The following ATP6V0D2 variants were observed in gnomAD, a reference collection of about 807,000 sequenced individuals.
ATP6V0D2 encodes ATPase H+ transporting V0 subunit d2, also known as V-type proton ATPase subunit d 2.
In ATP6V0D2, 40 loss-of-function variants were observed where a neutral mutation model predicts 40.0. That is an observed-to-expected ratio of 1.00 (90% CI 0.78 to 1.30). The LOEUF (loss-of-function observed/expected upper bound fraction) is 1.30. Ranked by LOEUF, ATP6V0D2 falls within the 50% of genes most tolerant of loss-of-function variation. The pLI is 0.00. For missense variants in ATP6V0D2, 470 were observed against 423.1 expected (o/e 1.11, Z -0.97); for synonymous variants, 179 against 156.3 (o/e 1.15, Z -1.08).
intron 2 of ATP6V0D2, among the ~76,000 whole-genome samples, chr8:86,127,492 G>A (rs892913730): frequency 6.7e-6 from 1 of 150,126 alleles, no homozygotes; most frequent in African/African-American, 2.5e-5. Flanking sequence ...GTCTTATTCT[G>A]TCACCCAGGC....
rs747109688 is a variant in ATP6V0D2 at position 86,113,700 on chromosome 8, T to C, written c.131-9T>C. 1 of 1,583,772 alleles carries C rather than the reference T, an allele frequency of 6.3e-7. No individual in the cohort carries two copies. The highest frequency in any genetic ancestry group is 1.8e-5 in the Admixed American group (1 of 54,636). On this transcript the variant is annotated splice_polypyrimidine_tract_variant and intron_variant, in intron 1 of 7. Transcript: ENST00000285393. The stretch of plus-strand genomic sequence containing the variant: ...ATTTAACCTGAATTGGGGTTTCATT[T>C]AATTTCAGACCTGAAAATTCATCTC...
intron 2 of ATP6V0D2, among the ~76,000 whole-genome samples, chr8:86,117,584 T>C (rs1468727066): frequency 6.6e-6 from 1 of 152,230 alleles, no homozygotes; most frequent in Non-Finnish European, 1.5e-5. Context: ...TGGGTTAGGA[T>C]AATTCCTTCC....
chr8:86,139,316 C>A, intron 2 of ATP6V0D2, 141 bp from the exon 3 acceptor site: 1 of 591,304 alleles, frequency 1.7e-6, no homozygotes, highest in Admixed American at 3.6e-5. Flanking sequence ...TCTCCTAAAC[C>A]CCAGTGTTTA....
At position 86,149,070 on chromosome 8, in the gene ATP6V0D2, AAAAAAC is replaced by A. The variant is rs1476571475; in HGVS notation, c.640-1041_640-1036del. The stretch of plus-strand genomic sequence containing the variant: ...TCCAAAGGAAGAAAAAAAAAAAAAA[AAAAAAC>A]CAATGAACAAGAAAGACATGGTTCT... On this transcript the variant is annotated intron_variant, in intron 5 of 7. Coordinates refer to ENST00000285393, the MANE Select transcript of ATP6V0D2 (RefSeq NM_152565.1). Among the ~76,000 whole-genome samples the A allele has an allele frequency of 2.9e-4, 43 of 150,100 alleles. 2 individuals carry two copies. Among genetic ancestry groups the A allele is most frequent in the East Asian group, 1.2e-3 (6 of 5,058 alleles).
chr8:86,124,335 G>T (rs1185923488), intron 2 of ATP6V0D2, among the ~76,000 whole-genome samples: 2 of 152,156 alleles, frequency 1.3e-5, no homozygotes, highest in African/African-American at 4.8e-5. Flanking sequence ...CAGCATAACA[G>T]TAAGTGACTA....
At chr8:86,110,538 G>A (rs1445134163) in intron 1 of ATP6V0D2, among the ~76,000 whole-genome samples, 1 of 152,228 alleles carries the variant, frequency 6.6e-6, no homozygotes, top group African/African-American at 2.4e-5. Flanking sequence ...GTGTGTCCCA[G>A]AGTCTGCTGC....
Position 86,145,060 on chromosome 8 carries a change from G to C in ATP6V0D2, c.639+2106G>C, listed in dbSNP as rs141006261. On this transcript the variant is annotated intron_variant, in intron 5 of 7. Transcript: ENST00000285393. ...CATCTGTAATCCCAGCTTCTTGTGA[G>C]GCTGAGGCACAGGAGGTGTGAAGGT... 1.1e-3 allele frequency among the ~76,000 whole-genome samples: 167 copies of C among 151,332 alleles called. 4 individuals carry two copies. The highest frequency in any genetic ancestry group is 3.9e-3 in the African/African-American group (159 of 41,108).
chr8:86,104,850 T>TATACACACACACACACAC, intron 1 of ATP6V0D2, among the ~76,000 whole-genome samples: 1 of 146,078 alleles, frequency 6.8e-6, no homozygotes, highest in Admixed American at 6.9e-5. Context: ...TTAAAACACA[T>TATACACACACACACACAC]ACACACACAC....
chr8:86,116,238 A>G lies in ATP6V0D2; in HGVS notation c.302+2358A>G, dbSNP rs184070855. 6.8e-3 allele frequency among the ~76,000 whole-genome samples: 1,038 copies of G among 152,304 alleles called. 2 individuals carry two copies. Among genetic ancestry groups the G allele is most frequent in the Non-Finnish European group, 9.3e-3 (636 of 68,022 alleles). Reference sequence around the variant, plus strand: ...AGTTTCTTATGTGTTATTCCAGAAAAATACTTACATGTACGTGTGTCTATT... The same window carrying G: ...AGTTTCTTATGTGTTATTCCAGAAAGATACTTACATGTACGTGTGTCTATT... On this transcript the variant is annotated intron_variant, in intron 2 of 7. Coordinates refer to ENST00000285393, the MANE Select transcript of ATP6V0D2 (RefSeq NM_152565.1).
intron 2 of ATP6V0D2, among the ~76,000 whole-genome samples, chr8:86,131,832 G>A (rs1391208854): frequency 6.6e-6 from 1 of 152,042 alleles, no homozygotes; most frequent in Non-Finnish European, 1.5e-5. Context: ...TGCAAAAATT[G>A]AAATTTAAAA....
At chr8:86,151,594 A>G (rs1458847669) in intron 7 of ATP6V0D2, 54 bp downstream of exon 7, 1 of 1,423,868 alleles carries the variant, frequency 7.0e-7, no homozygotes, top group Non-Finnish European at 9.7e-7. Flanking sequence ...TGTGGATTTT[A>G]TATATTTTCT....
intron 2 of ATP6V0D2, among the ~76,000 whole-genome samples, chr8:86,115,291 C>T (rs2130240837): frequency 6.6e-6 from 1 of 150,644 alleles, no homozygotes; most frequent in Non-Finnish European, 1.5e-5. Context: ...AAAGAATCCG[C>T]TTATCTGACC....
rs201203621 is a variant in ATP6V0D2, at chr8:86,145,313, AGAAAGAAG to A, written c.639+2395_639+2402del. On this transcript the variant is annotated intron_variant, in intron 5 of 7. Coordinates refer to ENST00000285393, the MANE Select transcript of ATP6V0D2 (RefSeq NM_152565.1). Reference sequence around the variant, plus strand: ...AGAAAGAAAGAAAGAAAGAAAGAAAAGAAAGAAGGAAAGAAGGAAAGAAGGAAAGAAGG... The same window carrying A: ...AGAAAGAAAGAAAGAAAGAAAGAAAAGAAAGAAGGAAAGAAGGAAAGAAGG... Among the ~76,000 whole-genome samples, 537 of 76,442 alleles carry A rather than the reference AGAAAGAAG, an allele frequency of 7.0e-3. 6 individuals carry two copies. The highest frequency in any genetic ancestry group is 0.01 in the Non-Finnish European group (405 of 39,780). 50.1% of individuals were successfully genotyped at this position (76,442 alleles called of 152,430 possible). A position where few individuals can be genotyped will look rare whatever the true frequency, so the allele number is the denominator to read the frequency against.
intron 2 of ATP6V0D2, among the ~76,000 whole-genome samples, chr8:86,125,362 C>CCA (rs1366093942): frequency 6.6e-6 from 1 of 152,064 alleles, no homozygotes; most frequent in East Asian, 1.9e-4. Context: ...TGAGACTGTC[C>CCA]CATAACCTTC....
intron 5 of ATP6V0D2, 108 bp from the exon 6 acceptor site, chr8:86,150,004 T>A: frequency 9.4e-7 from 1 of 1,063,524 alleles, no homozygotes; most frequent in Non-Finnish European, 1.4e-6. Context: ...TAGACATAGA[T>A]CCAGAAAGGA....
intron 1 of ATP6V0D2, among the ~76,000 whole-genome samples, chr8:86,103,431 AAGTCTTTACTTTGTCCTTGACAC>A (rs1818429543): frequency 6.6e-6 from 1 of 151,612 alleles, no homozygotes; most frequent in Non-Finnish European, 1.5e-5. Flanking sequence ...GGCCTGGATT[AAGTCTTTACTTTGTCCTTGACAC>A]AGTTTGTTTA....
At chr8:86,139,277 G>A (rs987321874) in intron 2 of ATP6V0D2, among the ~76,000 whole-genome samples, 180 bp from the exon 3 acceptor site, 3 of 151,098 alleles carry the variant, frequency 2.0e-5, no homozygotes, top group African/African-American at 7.3e-5. Flanking sequence ...ATTTATGACA[G>A]TCTCAGAGGT....
chr8:86,143,102 A>T, intron 5 of ATP6V0D2, 148 bp downstream of exon 5: 1 of 506,292 alleles, frequency 2.0e-6, no homozygotes, highest in Non-Finnish European at 3.4e-6. Flanking sequence ...ATATGATTTG[A>T]TATATTTGAT....
chr8:86,113,451 C>T (rs1044114590), intron 1 of ATP6V0D2, among the ~76,000 whole-genome samples: 1 of 152,208 alleles, frequency 6.6e-6, no homozygotes, highest in Admixed American at 6.5e-5. Context: ...CACGGCACTC[C>T]TGCCTGGGCT....
Sources: allele counts gnomAD v4.1 joint callset (sites outside exome capture counted in the v4.1 genomes callset), GRCh38; gene constraint gnomAD v4.1.1; transcripts MANE v1.5; gene names NCBI Gene and HGNC (gene_info 2026-07-23, HGNC 2026-07-21).